Variants in UBE2V2 observed in about 807,000 individuals in gnomAD.
UBE2V2 encodes the protein ubiquitin conjugating enzyme E2 V2.
In UBE2V2, 9 loss-of-function variants were observed where a neutral mutation model predicts 17.2. That is an observed-to-expected ratio of 0.52 (90% CI 0.32 to 0.91). The LOEUF is 0.91. Among genes scored for constraint, UBE2V2 ranks in the 40% least tolerant of loss-of-function variants. The pLI, the probability that UBE2V2 is intolerant of heterozygous loss-of-function variation, is 0.04. For synonymous variants in UBE2V2, 61 were observed against 57.5 expected, an observed-to-expected ratio of 1.06 and a Z score of -0.28; for missense variants, 133 against 182.6, an observed-to-expected ratio of 0.73 and a Z score of 1.56.
At chr8:48,045,286 A>G (rs1232239994) in intron 2 of UBE2V2, among the ~76,000 whole-genome samples, 1 of 152,248 alleles carries the variant, frequency 6.6e-6, no homozygotes, top group African/African-American at 2.4e-5. Context: ...GGGAACATTC[A>G]GAAAGGAAGA....
At chr8:48,008,569 CGAG>C (rs1010900754) in intron 1 of UBE2V2, 99 bp downstream of exon 1, 2 of 1,462,626 alleles carry the variant, frequency 1.4e-6, no homozygotes, top group African/African-American at 3.0e-5. Context: ...GGGAGAAGCC[CGAG>C]TGCGCTGTCT....
chr8:48,002,083 G>A, the UBE2V2 span, among the ~76,000 whole-genome samples: 1 of 150,178 alleles, frequency 6.7e-6, no homozygotes, highest in South Asian at 2.1e-4. Flanking sequence ...GTGAAACTCC[G>A]ACTCAGAAAA....
intron 1 of UBE2V2, among the ~76,000 whole-genome samples, chr8:48,010,127 G>A (rs1008688858): frequency 6.6e-6 from 1 of 152,062 alleles, no homozygotes; most frequent in African/African-American, 2.4e-5. Flanking sequence ...AAGGTTAGAT[G>A]ATATTAATGG....
At chr8:48,055,299 A>G (rs566494905) in intron 3 of UBE2V2, among the ~76,000 whole-genome samples, 10 of 150,988 alleles carry the variant, frequency 6.6e-5, no homozygotes, top group Admixed American at 1.3e-4. Flanking sequence ...TCCTGGGTTC[A>G]AGTGACTCTC....
At chr8:48,059,811 A>C (rs1802564436) in intron 3 of UBE2V2, among the ~76,000 whole-genome samples, 1 of 152,164 alleles carries the variant, frequency 6.6e-6, no homozygotes, top group Non-Finnish European at 1.5e-5. Context: ...GCTCTGTGTG[A>C]GTGGAGTTTT....
intron 1 of UBE2V2, chr8:48,035,061 G>A (rs1438633040): frequency 3.0e-6 from 3 of 984,702 alleles, no homozygotes; most frequent in African/African-American, 3.5e-5. Flanking sequence ...CCTCTTACAA[G>A]GTGAGTGCCA....
At chr8:48,003,213 C>CAAAA in the UBE2V2 span, among the ~76,000 whole-genome samples, 2 of 58,574 alleles carry the variant, frequency 3.4e-5, no homozygotes, top group African/African-American at 6.4e-5. Context: ...CTGTCTCAAA[C>CAAAA]AAAAAAAAAA....
intron 2 of UBE2V2, among the ~76,000 whole-genome samples, chr8:48,049,261 C>T (rs2091519647): frequency 6.6e-6 from 1 of 152,048 alleles, no homozygotes; most frequent in Non-Finnish European, 1.5e-5. Context: ...TTTATTGCTG[C>T]AAAATAGTAT....
the UBE2V2 span, among the ~76,000 whole-genome samples, chr8:47,998,852 A>G: frequency 1.3e-5 from 2 of 152,140 alleles, no homozygotes; most frequent in African/African-American, 2.4e-5. Flanking sequence ...ACCCCTTAAC[A>G]GTCAAGGGAA....
chr8:48,019,660 C>T (rs553050975), intron 1 of UBE2V2, among the ~76,000 whole-genome samples: 1 of 151,676 alleles, frequency 6.6e-6, no homozygotes, highest in Admixed American at 6.6e-5. Flanking sequence ...ACTAAAAATA[C>T]AAAAATTAGC....
chr8:48,047,825 A>G (rs541482321), intron 2 of UBE2V2, among the ~76,000 whole-genome samples: 13 of 152,306 alleles, frequency 8.5e-5, no homozygotes, highest in African/African-American at 3.1e-4. Flanking sequence ...CTGGGATTAC[A>G]GGCATGAGCC....
upstream of UBE2V2, among the ~76,000 whole-genome samples, chr8:48,004,689 C>A (rs535683917): frequency 5.5e-4 from 84 of 152,080 alleles, 1 homozygote; most frequent in Non-Finnish European, 1.0e-3. Context: ...CGCCACCATA[C>A]CTGGCTAATT....
At chr8:48,056,881 G>C (rs569932439) in intron 3 of UBE2V2, among the ~76,000 whole-genome samples, 1 of 151,516 alleles carries the variant, frequency 6.6e-6, no homozygotes, top group Non-Finnish European at 1.5e-5. Flanking sequence ...GCGCCACCAC[G>C]CCTGGCTAAT....
chr8:48,004,286 A>G (rs1242855875), upstream of UBE2V2, among the ~76,000 whole-genome samples: 1 of 152,152 alleles, frequency 6.6e-6, no homozygotes, highest in African/African-American at 2.4e-5. Flanking sequence ...GGCTGTTGCT[A>G]AGTATATAAT....
In UBE2V2 at chr8:48,010,448, C is replaced by G. The variant is rs992482158; in HGVS notation, c.16+1978C>G. On this transcript the variant is annotated intron_variant, in intron 1 of 3. Transcript: ENST00000523111. Reference sequence around the variant, plus strand: ...ACGCAGTCTTGCTCTGTCACCCAGGCTGGAGTGCAGTGGCGCGATCTCGGC... The same window carrying G: ...ACGCAGTCTTGCTCTGTCACCCAGGGTGGAGTGCAGTGGCGCGATCTCGGC... Among the ~76,000 whole-genome samples the G allele has an allele frequency of 8.8e-5, 13 of 147,324 alleles. No homozygotes were observed. In the East Asian group the frequency reaches 1.6e-3, roughly 18 times the overall value.
intron 1 of UBE2V2, among the ~76,000 whole-genome samples, chr8:48,012,293 C>T (rs1001102904): frequency 6.6e-6 from 1 of 152,154 alleles, no homozygotes; most frequent in Non-Finnish European, 1.5e-5. Context: ...GTTACCCATG[C>T]AATTCAAGAG....
At chr8:48,049,780 T>C (rs1235766156) in intron 2 of UBE2V2, 73 bp from the exon 3 acceptor site, 2 of 1,389,508 alleles carry the variant, frequency 1.4e-6, no homozygotes, top group East Asian at 4.7e-5. Flanking sequence ...TTTCCCTTTT[T>C]TTTTTTTAGC....
chr8:48,053,635 A>T (rs1194835324), intron 3 of UBE2V2, among the ~76,000 whole-genome samples: 1 of 151,820 alleles, frequency 6.6e-6, no homozygotes, highest in Non-Finnish European at 1.5e-5. Flanking sequence ...CATGTTGGTT[A>T]GGCTGGTCTC....
At chr8:48,041,198 G>A (rs186646398) in intron 1 of UBE2V2, among the ~76,000 whole-genome samples, 1 of 144,438 alleles carries the variant, frequency 6.9e-6, no homozygotes, top group African/African-American at 2.6e-5. Context: ...TTAAGACAGA[G>A]TCTCGCTCTG....
Sources: allele counts gnomAD v4.1 joint callset (sites outside exome capture counted in the v4.1 genomes callset), GRCh38; gene constraint gnomAD v4.1.1; transcripts MANE v1.5; gene names NCBI Gene and HGNC (gene_info 2026-07-23, HGNC 2026-07-21).